Variants in CSNK1G1 observed in about 807,000 individuals in gnomAD.
CSNK1G1 encodes casein kinase I isoform gamma-1.
Under a neutral mutation model 59.6 loss-of-function variants are expected in CSNK1G1, and 22 were observed. That is an observed-to-expected ratio of 0.37 (90% CI 0.26 to 0.53). CSNK1G1 has a LOEUF of 0.53. Among genes scored for constraint, CSNK1G1 ranks in the 20% least tolerant of loss-of-function variants. The pLI is 0.89. For missense variants in CSNK1G1, 384 were observed against 519.5 expected, an observed-to-expected ratio of 0.74 and a Z score of 2.54; for synonymous variants, 179 against 177.1, an observed-to-expected ratio of 1.01 and a Z score of -0.08.
chr15:64,337,861 T>C (rs1339644058), intron 1 of CSNK1G1, among the ~76,000 whole-genome samples: 1 of 152,316 alleles, frequency 6.6e-6, no homozygotes, highest in East Asian at 1.9e-4. Context: ...TCTTTGAATT[T>C]GTCTATCCTA....
chr15:64,225,966 T>C (rs913759050), intron 4 of CSNK1G1, among the ~76,000 whole-genome samples: 1 of 152,146 alleles, frequency 6.6e-6, no homozygotes, highest in Non-Finnish European at 1.5e-5. Context: ...CCAAGGAACA[T>C]TACAATCAGG....
chr15:64,182,430 T>C (rs2081832002), intron 10 of CSNK1G1, among the ~76,000 whole-genome samples: 1 of 152,074 alleles, frequency 6.6e-6, no homozygotes, highest in Non-Finnish European at 1.5e-5. Context: ...GACTTAAAGA[T>C]TAAAACGGAT....
At position 64,204,431 on chromosome 15, in the gene CSNK1G1, G is replaced by C; in HGVS notation, c.999+10C>G. 6.8e-7 allele frequency: 1 copy of C among 1,472,090 alleles called. No homozygotes were observed. Among genetic ancestry groups the C allele is most frequent in the East Asian group, 2.4e-5 (1 of 41,462 alleles). 91.2% of individuals were successfully genotyped at this position (1,472,090 alleles called of 1,614,324 possible). On this transcript the variant is annotated intron_variant, in intron 9 of 11. Coordinates refer to ENST00000303052, the MANE Select transcript of CSNK1G1 (RefSeq NM_022048.5). ...TGAGGTTAAAAAAAAAAAAAAAAAAGGATACTTACAATAGGTCTCCCAACC... is the reference window on the plus strand; with the variant it reads ...TGAGGTTAAAAAAAAAAAAAAAAAACGATACTTACAATAGGTCTCCCAACC...
chr15:64,326,833 G>A (rs538453214), intron 1 of CSNK1G1, among the ~76,000 whole-genome samples: 49 of 151,182 alleles, frequency 3.2e-4, no homozygotes, highest in Middle Eastern at 6.8e-3. Flanking sequence ...TGCGCGAGCC[G>A]AAGCAGGGCG....
chr15:64,351,445 C>A (rs1898280403), intron 1 of CSNK1G1, among the ~76,000 whole-genome samples: 2 of 152,224 alleles, frequency 1.3e-5, no homozygotes, highest in South Asian at 4.1e-4. Context: ...TAACTGACAA[C>A]TGCAAAGATC....
rs547645073 is a variant in CSNK1G1 at position 64,305,558 on chromosome 15, T to C, written c.-224-4835A>G. Among the ~76,000 whole-genome samples, 4 of 150,640 alleles carry C rather than the reference T, an allele frequency of 2.7e-5. No homozygotes were observed. The South Asian group carries it at 8.4e-4, about 32-fold the overall frequency. On this transcript the variant is annotated intron_variant, in intron 1 of 11. Transcript: ENST00000303052. ...AAAACGAGATCCTGTCTCTACAAAA[T>C]AAAAATAAAAATTGGCCGGGCAAGG...
At chr15:64,276,764 T>G (rs1231551571) in intron 2 of CSNK1G1, among the ~76,000 whole-genome samples, 1 of 151,866 alleles carries the variant, frequency 6.6e-6, no homozygotes, top group African/African-American at 2.4e-5. Context: ...GCTAACACAG[T>G]GAAACCCTGT....
chr15:64,323,813 A>G (rs989829830), intron 1 of CSNK1G1, among the ~76,000 whole-genome samples: 6 of 152,178 alleles, frequency 3.9e-5, no homozygotes, highest in African/African-American at 1.4e-4. Context: ...AAGGAATACT[A>G]GTGTTCTTAA....
At chr15:64,228,926 G>A (rs1292477714) in intron 4 of CSNK1G1, among the ~76,000 whole-genome samples, 4 of 149,258 alleles carry the variant, frequency 2.7e-5, no homozygotes, top group African/African-American at 1.0e-4. Context: ...GCTGAGACAA[G>A]AGGATCACTT....
intron 10 of CSNK1G1, among the ~76,000 whole-genome samples, chr15:64,190,373 T>C (rs2081954528): frequency 6.6e-6 from 1 of 152,200 alleles, no homozygotes; most frequent in Non-Finnish European, 1.5e-5. Context: ...AAATGTTTCA[T>C]TTTCCAAAAT....
In CSNK1G1 at chr15:64,268,543, G is replaced by T. The variant is rs145542423; in HGVS notation, c.182-9302C>A. Among the ~76,000 whole-genome samples, 775 of 152,232 alleles carry T rather than the reference G, an allele frequency of 5.1e-3. 10 individuals are homozygous for T. Among genetic ancestry groups the T allele is most frequent in the African/African-American group, 0.017 (719 of 41,526 alleles). ...TTGCATGTTCTCCTCATGTCTGTGTGGGTTTCTTCTGGGTACTCCAGTTTC... is the reference window on the plus strand; with the variant it reads ...TTGCATGTTCTCCTCATGTCTGTGTTGGTTTCTTCTGGGTACTCCAGTTTC... On this transcript the variant is annotated intron_variant, in intron 2 of 11. Transcript: ENST00000303052.
In CSNK1G1 at chr15:64,300,621, C is replaced by T; in HGVS notation, c.-122G>A. ...AGAAAGGTAAGGAGTTCTTTTAGCACCATATTTGTTTGTAATGTATCTCCG... is the reference window on the plus strand; with the variant it reads ...AGAAAGGTAAGGAGTTCTTTTAGCATCATATTTGTTTGTAATGTATCTCCG... On this transcript the variant is annotated 5_prime_UTR_variant, in exon 2 of 12. It adds an upstream start codon to the 5' untranslated region. Transcript: ENST00000303052. The T allele has an allele frequency of 7.2e-7, 1 of 1,394,406 alleles. No homozygotes were observed. Among genetic ancestry groups the T allele is most frequent in the Non-Finnish European group, 9.4e-7 (1 of 1,068,814 alleles). 86.4% of individuals were successfully genotyped at this position (1,394,406 alleles called of 1,614,324 possible). A position where few individuals can be genotyped will look rare whatever the true frequency, so the allele number is the denominator to read the frequency against.
intron 4 of CSNK1G1, among the ~76,000 whole-genome samples, chr15:64,227,174 G>A (rs1033809634): frequency 3.9e-5 from 6 of 152,218 alleles, no homozygotes; most frequent in Non-Finnish European, 4.4e-5. Context: ...TACATACAGA[G>A]CAAAGCAAAT....
intron 10 of CSNK1G1, among the ~76,000 whole-genome samples, chr15:64,186,301 T>A (rs1337810415): frequency 6.6e-6 from 1 of 152,118 alleles, no homozygotes; most frequent in Non-Finnish European, 1.5e-5. Context: ...TTAGTAGAGA[T>A]GGAGTTTCAC....
intron 1 of CSNK1G1, among the ~76,000 whole-genome samples, chr15:64,321,988 A>G (rs1896590869): frequency 6.6e-6 from 1 of 152,206 alleles, no homozygotes; most frequent in South Asian, 2.1e-4. Context: ...CTAACATTTT[A>G]CTGTATTTTT....
At chr15:64,326,930 C>A (rs1173113090) in intron 1 of CSNK1G1, among the ~76,000 whole-genome samples, 6 of 150,322 alleles carry the variant, frequency 4.0e-5, no homozygotes, top group African/African-American at 1.5e-4. Flanking sequence ...CCTGGAAAAT[C>A]GGGTCACTCC....
At chr15:64,287,040 G>A (rs1207598992) in intron 2 of CSNK1G1, among the ~76,000 whole-genome samples, 47 of 152,020 alleles carry the variant, frequency 3.1e-4, no homozygotes. Context: ...CATTTATTCT[G>A]ATGTCTTTTG....
At chr15:64,250,452 G>A (rs1252543299) in intron 4 of CSNK1G1, among the ~76,000 whole-genome samples, 1 of 152,124 alleles carries the variant, frequency 6.6e-6, no homozygotes, top group Non-Finnish European at 1.5e-5. Flanking sequence ...AGGGTTACTT[G>A]AAATAGAACA....
At chr15:64,343,666 A>G (rs888408050) in intron 1 of CSNK1G1, among the ~76,000 whole-genome samples, 1 of 151,806 alleles carries the variant, frequency 6.6e-6, no homozygotes, top group Admixed American at 6.6e-5. Context: ...GCTTCATTAC[A>G]TATCTGTGTT....
Sources: gnomAD v4.1 joint callset for allele counts (sites outside exome capture counted in the v4.1 genomes callset) on GRCh38, gnomAD v4.1.1 for gene constraint, MANE v1.5 for transcripts, NCBI Gene and HGNC (gene_info 2026-07-23, HGNC 2026-07-21) for gene names.